Variants in ANK3 observed in about 807,000 individuals in gnomAD.
ANK3 encodes the protein ankyrin 3.
In ANK3, 57 loss-of-function variants were observed where a neutral mutation model predicts 370.9. The ratio of observed to expected loss-of-function variants is 0.15; its 90% confidence interval spans 0.12 to 0.19. The LOEUF (loss-of-function observed/expected upper bound fraction) is 0.19, where lower values mean the gene tolerates loss of function less well. Ranked by LOEUF, ANK3 falls within the 10% of genes least tolerant of loss-of-function variation. The probability of loss-of-function intolerance (pLI) is 1.00; values close to 1 mark genes in which losing one functional copy is unlikely to be tolerated. For missense variants in ANK3, 4,439 were observed against 5,302.1 expected, an observed-to-expected ratio of 0.84 and a Z score of 5.06; for synonymous variants, 1,929 against 1,946.3, an observed-to-expected ratio of 0.99 and a Z score of 0.23.
At chr10:60,177,593 C>CTTTTTTTTTTTTTTT (rs771714886) in intron 18 of ANK3, among the ~76,000 whole-genome samples, 43 of 106,282 alleles carry the variant, frequency 4.0e-4, no homozygotes, top group Non-Finnish European at 5.4e-4. Context: ...GTCTTCAAAT[C>CTTTTTTTTTTTTTTT]TTTTTTTTTT....
At chr10:60,044,018 G>C in intron 42 of ANK3, 1 of 985,726 alleles carries the variant, frequency 1.0e-6, no homozygotes, top group Non-Finnish European at 1.2e-6. Flanking sequence ...GCAATTTCTA[G>C]GGAGTGCACA....
intron 1 of ANK3, among the ~76,000 whole-genome samples, chr10:60,673,277 GA>G (rs2079084612): frequency 6.6e-6 from 1 of 151,956 alleles, no homozygotes; most frequent in Non-Finnish European, 1.5e-5. Flanking sequence ...TGACAAGCTG[GA>G]AAAACCACAG....
chr10:60,522,173 C>T lies in ANK3; in HGVS notation c.96+93013G>A, dbSNP rs2076362720. 2.0e-5 allele frequency among the ~76,000 whole-genome samples: 3 copies of T among 151,974 alleles called. No individual in the cohort carries two copies. In the South Asian group the frequency reaches 6.2e-4, roughly 31 times the overall value. On this transcript the variant is annotated intron_variant, in intron 2 of 43. Coordinates refer to the ANK3 transcript ENST00000373827. ...GCTGAGCCCAGCTGAAGGCTATTGT[C>T]CTTATCTAGTTATCAGGAGTTGCTG...
At chr10:60,283,681 G>T (rs780650798) in intron 1 of ANK3, among the ~76,000 whole-genome samples, 1 of 152,098 alleles carries the variant, frequency 6.6e-6, no homozygotes, top group Non-Finnish European at 1.5e-5. Context: ...TTCACGGATA[G>T]AGTCAAGCAT....
chr10:60,602,094 C>T lies in ANK3; in HGVS notation c.96+13092G>A, dbSNP rs190996117. ...TAGTAAGAGCAGCATTAATACAGGG[C>T]TTACCATGTGTCAGGCATGACTCTA... is the stretch of plus-strand genomic sequence containing the variant. On this transcript the variant is annotated intron_variant, in intron 2 of 43. Transcript: ENST00000373827. Among the ~76,000 whole-genome samples the T allele has an allele frequency of 2.9e-3, 448 of 152,134 alleles. 2 individuals are homozygous for T. Among genetic ancestry groups the T allele is most frequent in the African/African-American group, 0.01 (422 of 41,514 alleles).
chr10:60,331,070 G>A (rs542940463), intron 1 of ANK3, among the ~76,000 whole-genome samples: 1 of 148,624 alleles, frequency 6.7e-6, no homozygotes, highest in East Asian at 2.1e-4. Flanking sequence ...TGAACTATGA[G>A]AAAACACGGG....
At chr10:60,225,434 G>C (rs1200931757) in intron 8 of ANK3, among the ~76,000 whole-genome samples, 2 of 152,014 alleles carry the variant, frequency 1.3e-5, no homozygotes, top group African/African-American at 4.8e-5. Flanking sequence ...ACTTCTCCAG[G>C]GGATTCATAT....
intron 42 of ANK3, among the ~76,000 whole-genome samples, chr10:60,054,737 C>A (rs1388861438): frequency 6.6e-6 from 1 of 152,078 alleles, no homozygotes; most frequent in Non-Finnish European, 1.5e-5. Context: ...TTTTTCCTCC[C>A]AAAACACTAA....
intron 2 of ANK3, among the ~76,000 whole-genome samples, chr10:60,425,003 G>A (rs930450118): frequency 1.3e-5 from 2 of 152,016 alleles, no homozygotes; most frequent in African/African-American, 4.8e-5. Context: ...GAAATGCACA[G>A]AAAGGAAGAC....
At chr10:60,441,359 G>A (rs1311051661) in intron 2 of ANK3, among the ~76,000 whole-genome samples, 1 of 152,052 alleles carries the variant, frequency 6.6e-6, no homozygotes, top group East Asian at 1.9e-4. Context: ...AAAAAATCTA[G>A]GTGAAAGCAT....
In ANK3 at chr10:60,080,627, G is replaced by GAA. The variant is rs761309113; in HGVS notation, c.4351-11_4351-10dup. 744 of 1,210,338 alleles carry GAA rather than the reference G, an allele frequency of 6.1e-4. No individual in the cohort carries two copies. In the African/African-American group the frequency reaches 8.0e-3, roughly 13 times the overall value. 75.0% of individuals were successfully genotyped at this position (1,210,338 alleles called of 1,614,324 possible). On this transcript the variant is annotated splice_polypyrimidine_tract_variant and intron_variant, in intron 35 of 43. Transcript: ENST00000280772. Reference sequence around the variant, plus strand: ...CTATCTGTTTTCTCAATCTGAAAAGGAAAAAAAAAAAGACAACTCTATTTC... The same window carrying GAA: ...CTATCTGTTTTCTCAATCTGAAAAGGAAAAAAAAAAAAAGACAACTCTATTTC...
At position 60,409,170 on chromosome 10, in the gene ANK3, C is replaced by A. The variant is rs1223589190; in HGVS notation, c.97-129531G>T. On this transcript the variant is annotated intron_variant, in intron 2 of 43. Transcript: ENST00000373827. ...GCTGATTTCTCCGTTTTATGGGTTTCATTAAAAAGAAAAAGCCTCCCTTCA... is the reference window on the plus strand; with the variant it reads ...GCTGATTTCTCCGTTTTATGGGTTTAATTAAAAAGAAAAAGCCTCCCTTCA... Among the ~76,000 whole-genome samples the A allele has an allele frequency of 2.6e-5, 4 of 152,172 alleles. No individual in the cohort carries two copies. The South Asian group carries it at 8.3e-4, about 32-fold the overall frequency.
chr10:60,270,596 G>C (rs2097958659), intron 4 of ANK3, among the ~76,000 whole-genome samples: 2 of 152,058 alleles, frequency 1.3e-5, no homozygotes, highest in Admixed American at 6.6e-5. Context: ...GATGCTATGA[G>C]ACTATGAAGA....
chr10:60,699,485 T>C (rs1183500608), intron 1 of ANK3, among the ~76,000 whole-genome samples: 1 of 152,112 alleles, frequency 6.6e-6, no homozygotes, highest in Non-Finnish European at 1.5e-5. Context: ...GCTACTTATA[T>C]AGAATTTATG....
intron 42 of ANK3, chr10:60,053,798 T>A: frequency 3.2e-6 from 4 of 1,240,816 alleles, no homozygotes; most frequent in Non-Finnish European, 4.3e-6. Context: ...TTGGTTGCTA[T>A]TATACTATGG....
At chr10:60,585,071 C>T (rs1344602818) in intron 2 of ANK3, among the ~76,000 whole-genome samples, 1 of 152,124 alleles carries the variant, frequency 6.6e-6, no homozygotes, top group Non-Finnish European at 1.5e-5. Flanking sequence ...TGTGACAGTC[C>T]CTATTACAGC....
chr10:60,316,193 AT>A (rs1344629110), intron 1 of ANK3, among the ~76,000 whole-genome samples: 36 of 152,206 alleles, frequency 2.4e-4, no homozygotes, highest in Non-Finnish European at 2.6e-4. Context: ...CTAATCTGCC[AT>A]CAAAGGCAGG....
intron 2 of ANK3, among the ~76,000 whole-genome samples, chr10:60,529,503 G>A (rs2076554616): frequency 6.6e-6 from 1 of 152,082 alleles, no homozygotes; most frequent in Non-Finnish European, 1.5e-5. Context: ...GGACATGTTT[G>A]GGGGCTCAGG....
chr10:60,161,900 G>A (rs770542930), intron 23 of ANK3, among the ~76,000 whole-genome samples: 8 of 152,064 alleles, frequency 5.3e-5, no homozygotes, highest in Admixed American at 1.3e-4. Context: ...AGAATTAAAA[G>A]GGTGGAACCA....
Sources: gnomAD v4.1 joint callset for allele counts (sites outside exome capture counted in the v4.1 genomes callset) on GRCh38, gnomAD v4.1.1 for gene constraint, MANE v1.5 for transcripts, NCBI Gene and HGNC (gene_info 2026-07-23, HGNC 2026-07-21) for gene names.